Variants in LIAT1 observed in about 807,000 individuals in gnomAD.
The protein encoded by LIAT1 is ligand of ATE1.
chr17:412,315 G>GC, the LIAT1 span, among the ~76,000 whole-genome samples: 1 of 148,836 alleles, frequency 6.7e-6, no homozygotes, highest in Admixed American at 6.7e-5. Flanking sequence ...AAAAAAAAAA[G>GC]CCCTGTGTGT....
the LIAT1 span, chr17:413,935 C>T: frequency 4.3e-6 from 7 of 1,610,744 alleles, no homozygotes; most frequent in Admixed American, 6.7e-5. Flanking sequence ...CCCTCAAGGG[C>T]TTCCACACTG....
chr17:411,968 G>A, the LIAT1 span, among the ~76,000 whole-genome samples: 13 of 152,334 alleles, frequency 8.5e-5, 1 homozygote, highest in South Asian at 6.2e-4. Flanking sequence ...CAGAGTGGCA[G>A]CCTCGCCCAT....
At chr17:412,389 C>T in the LIAT1 span, among the ~76,000 whole-genome samples, 1 of 151,954 alleles carries the variant, frequency 6.6e-6, no homozygotes, top group Non-Finnish European at 1.5e-5. Context: ...GTAGAAATTA[C>T]AGTGACATGT....
At chr17:410,430 G>C in the LIAT1 span, 2 of 1,538,450 alleles carry the variant, frequency 1.3e-6, no homozygotes, top group East Asian at 2.5e-5. Flanking sequence ...GGGGCGGGTT[G>C]GGTTGCAGCC....
the LIAT1 span, chr17:413,449 C>T: frequency 5.0e-6 from 8 of 1,612,898 alleles, no homozygotes; most frequent in Non-Finnish European, 6.8e-6. Context: ...GCTTGGCCCT[C>T]AAGGGCTTCC....
the LIAT1 span, chr17:413,018 T>C: frequency 9.8e-7 from 1 of 1,018,196 alleles, no homozygotes; most frequent in African/African-American, 1.6e-5. Flanking sequence ...GCTGGTGGGC[T>C]TGGCAGCCTG....
chr17:413,100 C>T, the LIAT1 span: 2 of 1,590,458 alleles, frequency 1.3e-6, no homozygotes, highest in Admixed American at 1.7e-5. Context: ...CCCAGCAGGC[C>T]AAGGTCAGAC....
chr17:414,205 C>A, the LIAT1 span: 1 of 1,444,328 alleles, frequency 6.9e-7, no homozygotes, highest in Non-Finnish European at 9.4e-7. The surrounding 1 kb of genome is among the most constrained non-coding windows in gnomAD (Gnocchi z 4.1). Context: ...AAATGAGACC[C>A]GTATCTGAAG....
the LIAT1 span, chr17:413,022 C>A: frequency 9.3e-7 from 1 of 1,077,074 alleles, no homozygotes; most frequent in Non-Finnish European, 1.3e-6. Flanking sequence ...GTGGGCTTGG[C>A]AGCCTGAGCC....
chr17:414,141 T>C, the LIAT1 span: 2 of 1,598,772 alleles, frequency 1.3e-6, no homozygotes, highest in Non-Finnish European at 1.7e-6. The surrounding 1 kb of genome is among the most constrained non-coding windows in gnomAD (Gnocchi z 4.1). Flanking sequence ...GCTCACAAAC[T>C]TATAATTCCT....
the LIAT1 span, among the ~76,000 whole-genome samples, chr17:411,634 T>C: frequency 6.6e-6 from 1 of 152,200 alleles, no homozygotes; most frequent in East Asian, 1.9e-4. Flanking sequence ...TTCGCGTGTG[T>C]AGTCATATGC....
At chr17:411,101 G>A in the LIAT1 span, among the ~76,000 whole-genome samples, 1 of 152,146 alleles carries the variant, frequency 6.6e-6, no homozygotes, top group African/African-American at 2.4e-5. Context: ...ACCCTCTTGC[G>A]TTAAGGCTGC....
At chr17:413,260 G>A in the LIAT1 span, 1 of 1,614,164 alleles carries the variant, frequency 6.2e-7, no homozygotes, top group Admixed American at 1.7e-5. Flanking sequence ...AGAGCAAAGT[G>A]GAAAAGAAGC....
At chr17:414,449 T>C in the LIAT1 span, 1 of 254,790 alleles carries the variant, frequency 3.9e-6, no homozygotes, top group African/African-American at 2.3e-5. The surrounding 1 kb of genome is among the most constrained non-coding windows in gnomAD (Gnocchi z 4.1). Context: ...ACCTCTTAAG[T>C]CTCAATCTCA....
chr17:413,270 C>T, the LIAT1 span: 2 of 1,614,124 alleles, frequency 1.2e-6, no homozygotes, highest in African/African-American at 2.7e-5. Flanking sequence ...GGAAAAGAAG[C>T]ACCTCCCTTC....
At chr17:413,208 T>G in the LIAT1 span, 1 of 1,614,182 alleles carries the variant, frequency 6.2e-7, no homozygotes, top group Non-Finnish European at 8.5e-7. Context: ...CATGACATCT[T>G]AAGTCCTTGC....
the LIAT1 span, chr17:414,029 A>C: frequency 6.2e-7 from 1 of 1,614,258 alleles, no homozygotes; most frequent in Admixed American, 1.7e-5. The surrounding 1 kb of genome is among the most constrained non-coding windows in gnomAD (Gnocchi z 4.1). Flanking sequence ...GCCCACGTCG[A>C]AAGCCGAGTG....
At chr17:411,950 G>A in the LIAT1 span, among the ~76,000 whole-genome samples, 1 of 152,216 alleles carries the variant, frequency 6.6e-6, no homozygotes, top group South Asian at 2.1e-4. Flanking sequence ...ACCAAGGCAA[G>A]CAGGAGGCAG....
chr17:413,319 TAG>T, the LIAT1 span: 6 of 1,614,212 alleles, frequency 3.7e-6, no homozygotes, highest in Non-Finnish European at 5.1e-6. Flanking sequence ...TTTGCCGAAA[TAG>T]AGAACCTTGC....
Sources: allele counts gnomAD v4.1 joint callset (sites outside exome capture counted in the v4.1 genomes callset), GRCh38; gene constraint gnomAD v4.1.1; non-coding constraint Gnocchi (gnomAD v3.1); transcripts MANE v1.5; gene names NCBI Gene and HGNC (gene_info 2026-07-23, HGNC 2026-07-21).